The following ZNF578 variants were observed in gnomAD, a reference collection of about 807,000 sequenced individuals.
The protein encoded by ZNF578 is Putative chemokine-related protein B42.
A neutral mutation model predicts 8.3 loss-of-function variants in ZNF578; 8 were observed. That is an observed-to-expected ratio of 0.96 (90% CI 0.56 to 1.74). The LOEUF (loss-of-function observed/expected upper bound fraction) is 1.74. ZNF578 is among the 40% of genes most tolerant of loss of function. ZNF578 has a pLI of 0.00. For missense variants in ZNF578, 726 were observed against 707.5 expected (o/e 1.03, Z -0.30); for synonymous variants, 206 against 232.2 (o/e 0.89, Z 1.03).
intron 2 of ZNF578, among the ~76,000 whole-genome samples, chr19:52,478,336 G>A (rs571796801): frequency 6.6e-6 from 1 of 152,298 alleles, no homozygotes; most frequent in South Asian, 2.1e-4. Context: ...AAGCTGCTGT[G>A]GGCTATTTGT....
intron 2 of ZNF578, among the ~76,000 whole-genome samples, chr19:52,476,800 G>A (rs1470706940): frequency 2.0e-5 from 3 of 152,146 alleles, no homozygotes; most frequent in South Asian, 2.1e-4. Context: ...CCATGGTAGG[G>A]GCCGGTCCTT....
At chr19:52,509,882 CCTTTTTTTTTT>C (rs1180781956) in intron 5 of ZNF578, among the ~76,000 whole-genome samples, 1 of 149,278 alleles carries the variant, frequency 6.7e-6, no homozygotes, top group Non-Finnish European at 1.5e-5. Context: ...TCTTTTTTTT[CCTTTTTTTTTT>C]CTGTTTGAGG....
At chr19:52,453,813 C>A (rs2059229834) in intron 1 of ZNF578, 1 of 30,544 alleles carries the variant, frequency 3.3e-5, no homozygotes, top group South Asian at 8.8e-4. Context: ...CACGTAGACG[C>A]TTTTCGTCCC....
intron 2 of ZNF578, among the ~76,000 whole-genome samples, chr19:52,489,769 C>T (rs2059358973): frequency 6.6e-6 from 1 of 151,644 alleles, no homozygotes. Context: ...CATTCTCCTG[C>T]CTCAGCCTCC....
chr19:52,461,918 T>C (rs2122769646), intron 2 of ZNF578, among the ~76,000 whole-genome samples: 1 of 152,344 alleles, frequency 6.6e-6, no homozygotes, highest in South Asian at 2.1e-4. Context: ...GTCCAAATTA[T>C]GGGAAAATGA....
chr19:52,504,310 C>T lies in ZNF578; in HGVS notation c.64-345C>T, dbSNP rs542769512. On this transcript the variant is annotated intron_variant, in intron 4 of 5. Coordinates refer to ENST00000421239, the MANE Select transcript of ZNF578 (RefSeq NM_001099694.2). Reference sequence around the variant, plus strand: ...TCCACCACATTGGCCAGGGTGGTCTCGAACTCTTGAACTCAAATAATCTGC... The same window carrying T: ...TCCACCACATTGGCCAGGGTGGTCTTGAACTCTTGAACTCAAATAATCTGC... Among the ~76,000 whole-genome samples, 9 of 146,820 alleles carry T rather than the reference C, an allele frequency of 6.1e-5. No homozygotes were observed. In the South Asian group the frequency reaches 1.5e-3, roughly 25 times the overall value.
At chr19:52,508,066 G>A (rs1052735658) in intron 5 of ZNF578, among the ~76,000 whole-genome samples, 5 of 151,612 alleles carry the variant, frequency 3.3e-5, no homozygotes, top group Non-Finnish European at 7.4e-5. Flanking sequence ...AAATAAAGAG[G>A]CGGGGCACGG....
At chr19:52,506,308 C>T (rs1385714453) in intron 5 of ZNF578, among the ~76,000 whole-genome samples, 1 of 152,050 alleles carries the variant, frequency 6.6e-6, no homozygotes, top group South Asian at 2.1e-4. Flanking sequence ...TTTCTCTTTA[C>T]TATTATGAAC....
At chr19:52,454,612 A>AAACG (rs1555750724) in intron 1 of ZNF578, 2 of 3,508 alleles carry the variant, frequency 5.7e-4, no homozygotes, top group African/African-American at 3.9e-4. Flanking sequence ...GGTTGCAGAT[A>AAACG]GACAGATGGA....
chr19:52,512,702 T>G lies in ZNF578; in HGVS notation c.*548T>G, dbSNP rs1160346840. Reference sequence around the variant, plus strand: ...TACAAATGTCATCAGTGTGGCAAGGTCTTCAGTCCGAGGTCACTCCTTGCA... The same window carrying G: ...TACAAATGTCATCAGTGTGGCAAGGGCTTCAGTCCGAGGTCACTCCTTGCA... On this transcript the variant is annotated 3_prime_UTR_variant, in exon 6 of 6. Coordinates refer to ENST00000421239, the MANE Select transcript of ZNF578 (RefSeq NM_001099694.2). Among the ~76,000 whole-genome samples, 3 of 152,304 alleles carry G rather than the reference T, an allele frequency of 2.0e-5. No individual in the cohort carries two copies. Among genetic ancestry groups the G allele is most frequent in the Admixed American group, 2.0e-4 (3 of 15,292 alleles).
intron 2 of ZNF578, among the ~76,000 whole-genome samples, chr19:52,488,464 C>G (rs552184229): frequency 6.6e-6 from 1 of 151,950 alleles, no homozygotes; most frequent in Non-Finnish European, 1.5e-5. Flanking sequence ...AAAAAATTAG[C>G]CGGGCGTGGT....
At chr19:52,457,370 C>A (rs932616332) in intron 2 of ZNF578, 27 of 152,370 alleles carry the variant, frequency 1.8e-4, no homozygotes, top group East Asian at 5.8e-4. Flanking sequence ...ACTCCTTCCT[C>A]CATACCTTGC....
intron 2 of ZNF578, among the ~76,000 whole-genome samples, chr19:52,487,295 C>T (rs1424674518): frequency 6.6e-6 from 1 of 152,150 alleles, no homozygotes; most frequent in African/African-American, 2.4e-5. Context: ...TGCCACTATA[C>T]TGCAGCCTGG....
At chr19:52,480,993 G>C (rs1191521809) in intron 2 of ZNF578, among the ~76,000 whole-genome samples, 2 of 151,738 alleles carry the variant, frequency 1.3e-5, no homozygotes, top group Admixed American at 6.6e-5. Context: ...CTATGAAATA[G>C]AGTCAGGATT....
intron 2 of ZNF578, among the ~76,000 whole-genome samples, chr19:52,471,020 G>A (rs923713151): frequency 6.6e-6 from 1 of 152,044 alleles, no homozygotes; most frequent in Admixed American, 6.6e-5. Flanking sequence ...AACATGTGTG[G>A]CACCTACCCC....
chr19:52,504,728 G>T lies in ZNF578; in HGVS notation c.137G>T (p.Arg46Met), dbSNP rs773795097. The change falls in exon 5 of 6, where the codon AGG becomes ATG. Residue 46 changes from arginine (R) to methionine (M), a missense_variant. Coordinates refer to ENST00000421239, the MANE Select transcript of ZNF578 (RefSeq NM_001099694.2). ...AEWKFLNPAQRALYREVMLEN... is the reference protein window; with the variant it reads ...AEWKFLNPAQMALYREVMLEN... ...TGGAAATTCCTGAACCCTGCGCAGA[G>T]GGCTTTGTACAGGGAAGTGATGTTG... 1 of 1,614,038 alleles carries T rather than the reference G, an allele frequency of 6.2e-7. No homozygotes were observed. The highest frequency in any genetic ancestry group is 1.7e-5 in the Admixed American group (1 of 59,988).
chr19:52,474,978 G>A, intron 2 of ZNF578: 1 of 202,656 alleles, frequency 4.9e-6, no homozygotes, highest in South Asian at 9.2e-5. Flanking sequence ...ACATTTGTAA[G>A]GTTTCTCTCC....
In ZNF578 at chr19:52,513,101, A is replaced by G. The variant is rs748930434; in HGVS notation, c.*947A>G. On this transcript the variant is annotated 3_prime_UTR_variant, in exon 6 of 6. Transcript: ENST00000421239. ...AATGGTGCGATCTTGACTCACAGCA[A>G]CCTCCGCCTCCTGGGTTCAAGCGAT... is the stretch of plus-strand genomic sequence containing the variant. Among the ~76,000 whole-genome samples the G allele has an allele frequency of 4.6e-5, 7 of 151,550 alleles. No homozygotes were observed. The highest frequency in any genetic ancestry group is 7.4e-5 in the Non-Finnish European group (5 of 67,932).
At chr19:52,504,633 T>C in intron 4 of ZNF578, 22 bp from the exon 5 acceptor site, 1 of 1,613,676 alleles carries the variant, frequency 6.2e-7, no homozygotes, top group East Asian at 2.2e-5. Flanking sequence ...AATGTTTTGT[T>C]GAAATGTGTG....
Sources: allele counts gnomAD v4.1 joint callset (sites outside exome capture counted in the v4.1 genomes callset), GRCh38; gene constraint gnomAD v4.1.1; transcripts MANE v1.5; gene names NCBI Gene and HGNC (gene_info 2026-07-23, HGNC 2026-07-21).